Variants in PDS5B observed in about 807,000 individuals in gnomAD.
PDS5B encodes sister chromatid cohesion protein PDS5 homolog B.
PDS5B carries 51 observed loss-of-function variants against 184.1 expected under a neutral mutation model. The ratio of observed to expected loss-of-function variants is 0.28; its 90% confidence interval spans 0.22 to 0.35. The LOEUF (loss-of-function observed/expected upper bound fraction) is 0.35. PDS5B is among the 10% of genes least tolerant of loss of function. PDS5B has a pLI of 1.00. For missense variants in PDS5B, 1,180 were observed against 1,723.3 expected, an observed-to-expected ratio of 0.68 and a Z score of 5.58; for synonymous variants, 566 against 569.2, an observed-to-expected ratio of 0.99 and a Z score of 0.08.
At chr13:32,664,084 G>A (rs1284418840) in intron 6 of PDS5B, among the ~76,000 whole-genome samples, 1 of 152,146 alleles carries the variant, frequency 6.6e-6, no homozygotes, top group Non-Finnish European at 1.5e-5. Flanking sequence ...ATTCCATGGT[G>A]TATATATACC....
chr13:32,738,655 C>T (rs776303916), intron 21 of PDS5B, among the ~76,000 whole-genome samples: 6 of 151,932 alleles, frequency 3.9e-5, no homozygotes, highest in African/African-American at 9.7e-5. Flanking sequence ...TCCTTTGATC[C>T]TTTGAACAAA....
At chr13:32,614,993 T>G (rs2058197080) in intron 1 of PDS5B, among the ~76,000 whole-genome samples, 1 of 152,232 alleles carries the variant, frequency 6.6e-6, no homozygotes. Flanking sequence ...AACACAAGTT[T>G]ATAAGTGGAC....
chr13:32,679,909 G>GTGTGTGTGTGTCTGTC (rs148914027), intron 10 of PDS5B, among the ~76,000 whole-genome samples: 1 of 149,390 alleles, frequency 6.7e-6, no homozygotes, highest in African/African-American at 2.5e-5. Flanking sequence ...GTGTGTGTGT[G>GTGTGTGTGTGTCTGTC]TGTGTGTCTG....
chr13:32,619,631 A>T (rs1227986935), intron 1 of PDS5B, among the ~76,000 whole-genome samples: 3 of 152,164 alleles, frequency 2.0e-5, no homozygotes, highest in Admixed American at 6.5e-5. Context: ...TCAAAAAATA[A>T]AGTATGATAT....
chr13:32,610,535 C>T (rs1361666687), intron 1 of PDS5B, among the ~76,000 whole-genome samples: 1 of 152,064 alleles, frequency 6.6e-6, no homozygotes, highest in Admixed American at 6.6e-5. Flanking sequence ...TCTTTTCCTT[C>T]TTACACTTGA....
chr13:32,766,966 C>T (rs1954605696), intron 31 of PDS5B, among the ~76,000 whole-genome samples: 1 of 152,040 alleles, frequency 6.6e-6, no homozygotes, highest in Non-Finnish European at 1.5e-5. Flanking sequence ...TTTAACATTT[C>T]TTTTACCTTC....
intron 19 of PDS5B, 132 bp downstream of exon 19, chr13:32,710,238 G>GTTTAGATTCTCCT: frequency 1.8e-6 from 1 of 547,576 alleles, no homozygotes; most frequent in Non-Finnish European, 2.9e-6. Flanking sequence ...GTAATGTTCA[G>GTTTAGATTCTCCT]TTTAGATTCT....
intron 6 of PDS5B, among the ~76,000 whole-genome samples, chr13:32,660,472 G>C (rs1950613827): frequency 3.5e-5 from 1 of 28,806 alleles, no homozygotes; most frequent in South Asian, 2.0e-3. Flanking sequence ...TAGGGAGGAG[G>C]ACTGAATTCC....
intron 1 of PDS5B, among the ~76,000 whole-genome samples, chr13:32,589,723 C>A (rs1403813331): frequency 6.6e-6 from 1 of 152,124 alleles, no homozygotes; most frequent in Admixed American, 6.6e-5. Context: ...TATTCCTGTT[C>A]GGGAATGTTA....
At position 32,678,873 on chromosome 13, in the gene PDS5B, T is replaced by C; in HGVS notation, c.1001T>C (p.Val334Ala). The change falls in exon 10 of 35, where the codon GTG becomes GCG. Residue 334 changes from valine (V) to alanine (A), a missense_variant. Val to Ala is a moderately conservative substitution (Grantham distance 64). Transcript: ENST00000315596. ...CATGTACCAATCCGCCTGGAATGTG[T>C]GAAATTTGCTAGCCATTGTCTCATG... ...DIHVPIRLEC[V>A]KFASHCLMNH... 6.2e-7 allele frequency: 1 copy of C among 1,609,962 alleles called. No individual in the cohort carries two copies. Among genetic ancestry groups the C allele is most frequent in the Non-Finnish European group, 8.5e-7 (1 of 1,176,310 alleles).
intron 6 of PDS5B, among the ~76,000 whole-genome samples, chr13:32,660,601 C>T (rs1018410405): frequency 6.6e-6 from 1 of 152,180 alleles, no homozygotes; most frequent in African/African-American, 2.4e-5. Flanking sequence ...AGACACAAAT[C>T]GAGTATCTAG....
At chr13:32,614,365 T>G (rs1425638446) in intron 1 of PDS5B, among the ~76,000 whole-genome samples, 2 of 151,498 alleles carry the variant, frequency 1.3e-5, no homozygotes, top group East Asian at 3.9e-4. Context: ...TGGTGTGATC[T>G]CAGCTCACTG....
chr13:32,769,339 G>A (rs184496472), intron 31 of PDS5B, among the ~76,000 whole-genome samples: 201 of 152,262 alleles, frequency 1.3e-3, no homozygotes, highest in Non-Finnish European at 2.5e-3. Flanking sequence ...GATAGTTTTT[G>A]TTGTTTTCAG....
At chr13:32,767,683 A>G (rs545878454) in intron 31 of PDS5B, among the ~76,000 whole-genome samples, 1 of 152,324 alleles carries the variant, frequency 6.6e-6, no homozygotes, top group South Asian at 2.1e-4. Flanking sequence ...TGAGATAGGG[A>G]GGACCTATAT....
At chr13:32,743,582 T>C (rs1005960235) in intron 23 of PDS5B, among the ~76,000 whole-genome samples, 1 of 152,134 alleles carries the variant, frequency 6.6e-6, no homozygotes, top group Non-Finnish European at 1.5e-5. Context: ...CTAAAGACTT[T>C]AATAAGAAAA....
At position 32,716,464 on chromosome 13, in the gene PDS5B, G is replaced by T. The variant is rs1191217203; in HGVS notation, c.2123+6358G>T. ...GAGAAGTGAGGAGCCCCTCCGCCCG[G>T]CAGCCGCCCCGTCTGAGAAGTGAGG... On this transcript the variant is annotated intron_variant, in intron 19 of 34. Transcript: ENST00000315596. Among the ~76,000 whole-genome samples, 868 of 149,836 alleles carry T rather than the reference G, an allele frequency of 5.8e-3. 14 individuals are homozygous for T. Among genetic ancestry groups the T allele is most frequent in the African/African-American group, 0.02 (818 of 40,646 alleles).
intron 31 of PDS5B, among the ~76,000 whole-genome samples, chr13:32,767,871 A>G (rs1397371252): frequency 6.6e-6 from 1 of 152,228 alleles, no homozygotes; most frequent in African/African-American, 2.4e-5. Context: ...AAGGAGGAGA[A>G]ATAAAGGTAG....
chr13:32,709,603 G>T (rs1044761829), intron 18 of PDS5B, among the ~76,000 whole-genome samples: 9 of 151,954 alleles, frequency 5.9e-5, no homozygotes, highest in African/African-American at 2.2e-4. Flanking sequence ...GATGAGAGAT[G>T]TTTTGTTAAA....
intron 26 of PDS5B, 23 bp from the exon 27 acceptor site, chr13:32,758,064 T>A: frequency 2.6e-6 from 3 of 1,161,170 alleles, no homozygotes; most frequent in Non-Finnish European, 3.5e-6. Flanking sequence ...CTATATTTCT[T>A]TTTTCCTTTT....
Sources: allele counts gnomAD v4.1 joint callset (sites outside exome capture counted in the v4.1 genomes callset), GRCh38; gene constraint gnomAD v4.1.1; transcripts MANE v1.5; gene names NCBI Gene and HGNC (gene_info 2026-07-23, HGNC 2026-07-21).